SGO2: variants seen among roughly 807,000 people sequenced by gnomAD.
SGO2 encodes the protein shugoshin 2, also known as shugoshin-like 2.
Under a neutral mutation model 99.5 loss-of-function variants are expected in SGO2, and 68 were observed. That is an observed-to-expected ratio of 0.68 (90% CI 0.56 to 0.84). SGO2 has a LOEUF of 0.84. SGO2 is among the 40% of genes least tolerant of loss of function. The pLI is 0.00. For synonymous variants in SGO2, 457 were observed against 487.1 expected (o/e 0.94, Z 0.81); for missense variants, 1,350 against 1,436.7 (o/e 0.94, Z 0.97).
chr2:200,573,607 T>C lies in SGO2; in HGVS notation c.3261T>C (p.Asp1087=). 6.2e-7 allele frequency: 1 copy of C among 1,610,906 alleles called. No homozygotes were observed. The highest frequency in any genetic ancestry group is 1.1e-5 in the South Asian group (1 of 90,136). ...SKSKKRKTSI[D]PSPESHEVME... ...CAAAGAAAAGGAAGACCTCCATAGATCCTTCTCCAGAGAGCCATGAAGTAA... is the reference window on the plus strand; with the variant it reads ...CAAAGAAAAGGAAGACCTCCATAGACCCTTCTCCAGAGAGCCATGAAGTAA... Residue 1087 remains aspartate, a synonymous_variant, in exon 7 of 9, where the codon GAT becomes GAC. Coordinates refer to ENST00000357799, the MANE Select transcript of SGO2 (RefSeq NM_152524.6).
intron 1 of SGO2, 22 bp from the exon 2 acceptor site, chr2:200,532,952 A>T: frequency 6.4e-7 from 1 of 1,550,546 alleles, no homozygotes. Context: ...CAATACTATG[A>T]TTTTTTTTTC....
rs767119352 is a variant in SGO2 at position 200,572,769 on chromosome 2, C to G, written c.2423C>G (p.Pro808Arg). Reference protein sequence around the residue: ...CQNDSKIGKKPRLNVCQKSEI... With the variant: ...CQNDSKIGKKRRLNVCQKSEI... Reference sequence around the variant, plus strand: ...AATGATTCAAAAATAGGTAAGAAGCCTAGACTAAATGTATGTCAAAAGTCA... The same window carrying G: ...AATGATTCAAAAATAGGTAAGAAGCGTAGACTAAATGTATGTCAAAAGTCA... Residue 808 changes from proline (P) to arginine (R), a missense_variant, in exon 7 of 9, where the codon CCT becomes CGT. Coordinates refer to ENST00000357799, the MANE Select transcript of SGO2 (RefSeq NM_152524.6). 7.4e-6 allele frequency: 12 copies of G among 1,612,820 alleles called. No homozygotes were observed. The highest frequency in any genetic ancestry group is 9.3e-6 in the Non-Finnish European group (11 of 1,179,412).
At position 200,570,802 on chromosome 2, in the gene SGO2, G is replaced by A. The variant is rs946900166; in HGVS notation, c.704-248G>A. Among the ~76,000 whole-genome samples, 5 of 151,944 alleles carry A rather than the reference G, an allele frequency of 3.3e-5. No homozygotes were observed. In the East Asian group the frequency reaches 9.7e-4, roughly 29 times the overall value. On this transcript the variant is annotated intron_variant, in intron 6 of 8. Coordinates refer to ENST00000357799, the MANE Select transcript of SGO2 (RefSeq NM_152524.6). This position sits in a 1 kb window ranked among gnomAD's most constrained non-coding sequence, Gnocchi z 4.4. The stretch of plus-strand genomic sequence containing the variant: ...ACTGTTGGCTGTACTCCACTCTACT[G>A]TTGGGGCTGAGGCAGAATTCTCAGT...
At chr2:200,534,612 G>A (rs1010328313) in intron 2 of SGO2, among the ~76,000 whole-genome samples, 10 of 152,210 alleles carry the variant, frequency 6.6e-5, no homozygotes, top group African/African-American at 2.4e-4. Flanking sequence ...GACATTTCCA[G>A]TTAGAGCTGC....
intron 5 of SGO2, among the ~76,000 whole-genome samples, chr2:200,558,915 G>T (rs1394220843): frequency 6.6e-6 from 1 of 151,496 alleles, no homozygotes; most frequent in African/African-American, 2.4e-5. Context: ...TGGTTCTCCT[G>T]TCTCAGCCTC....
intron 4 of SGO2, among the ~76,000 whole-genome samples, chr2:200,538,329 T>C (rs1559200120): frequency 6.6e-6 from 1 of 152,180 alleles, no homozygotes; most frequent in Admixed American, 6.5e-5. Flanking sequence ...CATAGTGCCT[T>C]TGTACATGTT....
Position 200,532,284 on chromosome 2 carries a change from G to GTT in SGO2, c.-2-676_-2-675dup, listed in dbSNP as rs1380508038. The GTT allele has an allele frequency of 3.7e-4, 58 of 154,826 alleles. 1 individual carries two copies. The highest frequency in any genetic ancestry group is 1.8e-3 in the African/African-American group (49 of 27,690). The allele number at this position is 154,826 out of a possible 1,614,324, so 9.6% of individuals were successfully genotyped here. On this transcript the variant is annotated intron_variant, in intron 1 of 8. Transcript: ENST00000357799. ...GACAGAGTTTTTTGTTTTTTTTTTT[G>GTT]TTTTTTTTTTTTTTTCAGATCTCTT...
intron 5 of SGO2, among the ~76,000 whole-genome samples, chr2:200,560,441 G>A (rs1177941533): frequency 6.6e-6 from 1 of 151,996 alleles, no homozygotes; most frequent in African/African-American, 2.4e-5. Flanking sequence ...TTTCTTGCAA[G>A]CTGAAGAAGT....
chr2:200,575,240 A>G, intron 7 of SGO2, 71 bp from the exon 8 acceptor site: 2 of 935,502 alleles, frequency 2.1e-6, no homozygotes, highest in Non-Finnish European at 3.0e-6. Context: ...GCAGACCACT[A>G]TATAGCTCAT....
At chr2:200,569,917 T>C in intron 6 of SGO2, 25 bp downstream of exon 6, 1 of 1,438,288 alleles carries the variant, frequency 7.0e-7, no homozygotes. Context: ...AAAATTCATT[T>C]TGAGTATTTG....
At chr2:200,558,903 A>G (rs947788411) in intron 5 of SGO2, among the ~76,000 whole-genome samples, 6 of 151,860 alleles carry the variant, frequency 4.0e-5, no homozygotes, top group Non-Finnish European at 8.8e-5. Context: ...TCCGGGTTCA[A>G]GTGGTTCTCC....
Position 200,533,365 on chromosome 2 carries a change from C to T in SGO2, c.133+257C>T, listed in dbSNP as rs138826811. The stretch of plus-strand genomic sequence containing the variant: ...GACCCAAGACAGCTACTTTCTACAG[C>T]GCAGAAAAAAACTACCAACATGACT... On this transcript the variant is annotated intron_variant, in intron 2 of 8. Coordinates refer to ENST00000357799, the MANE Select transcript of SGO2 (RefSeq NM_152524.6). 7.3e-3 allele frequency: 1,916 copies of T among 262,774 alleles called. 37 individuals carry two copies. Among genetic ancestry groups the T allele is most frequent in the African/African-American group, 0.037 (1,638 of 43,930 alleles). 16.3% of individuals were successfully genotyped at this position (262,774 alleles called of 1,614,324 possible).
intron 1 of SGO2, among the ~76,000 whole-genome samples, chr2:200,530,893 G>T (rs2031342039): frequency 6.6e-6 from 1 of 152,210 alleles, no homozygotes; most frequent in Non-Finnish European, 1.5e-5. Context: ...GTAGGTTTAT[G>T]AGAAAGTTGG....
rs115777301 is a variant in SGO2, at chr2:200,582,712, T to C, written c.3783-737T>C. ...CTCAACATGTTTTGCACAGCCAAAGTTCCAAGGAAAATGAAGGGCTACCTC... is the reference window on the plus strand; with the variant it reads ...CTCAACATGTTTTGCACAGCCAAAGCTCCAAGGAAAATGAAGGGCTACCTC... On this transcript the variant is annotated intron_variant, in intron 8 of 8. Coordinates refer to ENST00000357799, the MANE Select transcript of SGO2 (RefSeq NM_152524.6). 3.9e-3 allele frequency among the ~76,000 whole-genome samples: 591 copies of C among 152,198 alleles called. 3 individuals are homozygous for C. The highest frequency in any genetic ancestry group is 4.5e-3 in the Non-Finnish European group (308 of 67,960).
chr2:200,577,405 C>A (rs576379425), intron 8 of SGO2, among the ~76,000 whole-genome samples: 7 of 152,270 alleles, frequency 4.6e-5, no homozygotes, highest in African/African-American at 1.7e-4. Context: ...GTAAGTTAAA[C>A]TTTATTTTGA....
At chr2:200,551,357 T>C (rs911397273) in intron 5 of SGO2, among the ~76,000 whole-genome samples, 4 of 152,056 alleles carry the variant, frequency 2.6e-5, no homozygotes, top group Non-Finnish European at 5.9e-5. Context: ...TTATGTTAAG[T>C]GAAATAAACC....
Position 200,570,220 on chromosome 2 carries a change from T to G in SGO2, c.703+328T>G, listed in dbSNP as rs1055601034. On this transcript the variant is annotated intron_variant, in intron 6 of 8. Coordinates refer to ENST00000357799, the MANE Select transcript of SGO2 (RefSeq NM_152524.6). The surrounding 1 kb of genome is among the most constrained non-coding windows in gnomAD (Gnocchi z 4.4). ...GTTTTACCCTCTTTTTTTGTAGATA[T>G]GAAAATTGGGGGCCTAGATAGGTAT... 1 of 287,860 alleles carries G rather than the reference T, an allele frequency of 3.5e-6. No homozygotes were observed. The highest frequency in any genetic ancestry group is 2.2e-5 in the African/African-American group (1 of 46,424). The allele number at this position is 287,860 out of a possible 1,614,324, so 17.8% of individuals were successfully genotyped here.
At position 200,572,187 on chromosome 2, in the gene SGO2, A is replaced by G. The variant is rs1223676929; in HGVS notation, c.1841A>G (p.Lys614Arg). Residue 614 changes from lysine to arginine, a missense_variant, in exon 7 of 9, where the codon AAG becomes AGG. By Grantham distance (26) the Lys-to-Arg change is conservative. Coordinates refer to ENST00000357799, the MANE Select transcript of SGO2 (RefSeq NM_152524.6). ...QNESNINKLRKKVNRKTEIIS... is the reference protein window; with the variant it reads ...QNESNINKLRRKVNRKTEIIS... The stretch of plus-strand genomic sequence containing the variant: ...GAATCAAACATTAATAAGCTTAGAA[A>G]GAAAGTAAACCGGAAGACAGAAATA... 5 of 1,612,598 alleles carry G rather than the reference A, an allele frequency of 3.1e-6. No individual in the cohort carries two copies. The highest frequency in any genetic ancestry group is 4.2e-6 in the Non-Finnish European group (5 of 1,179,478).
Position 200,573,531 on chromosome 2 carries a change from T to C in SGO2, c.3185T>C (p.Ile1062Thr). The C allele has an allele frequency of 1.2e-6, 2 of 1,611,406 alleles. No individual in the cohort carries two copies. Among genetic ancestry groups the C allele is most frequent in the Non-Finnish European group, 1.7e-6 (2 of 1,179,020 alleles). ...NKKDLPFVEEIKEGECQVKKV... is the reference protein window; with the variant it reads ...NKKDLPFVEETKEGECQVKKV... The stretch of plus-strand genomic sequence containing the variant: ...AAAGATCTCCCTTTTGTGGAAGAAA[T>C]AAAAGAAGGAGAGTGTCAGGTTAAA... The change falls in exon 7 of 9, where the codon ATA (isoleucine) becomes ACA (threonine). Residue 1062 changes from isoleucine to threonine, a missense_variant. By Grantham distance (89) the Ile-to-Thr change is moderately conservative (BLOSUM62 -1). Coordinates refer to ENST00000357799, the MANE Select transcript of SGO2 (RefSeq NM_152524.6).
Sources: gnomAD v4.1 joint callset for allele counts (sites outside exome capture counted in the v4.1 genomes callset) on GRCh38, gnomAD v4.1.1 for gene constraint, Gnocchi (gnomAD v3.1) non-coding constraint, MANE v1.5 for transcripts, NCBI Gene and HGNC (gene_info 2026-07-23, HGNC 2026-07-21) for gene names.